IRAK3: variants seen among roughly 807,000 people sequenced by gnomAD.
The protein encoded by IRAK3 is interleukin-1 receptor-associated kinase 3.
In IRAK3, 57 loss-of-function variants were observed where a neutral mutation model predicts 56.6. The ratio of observed to expected loss-of-function variants is 1.01; its 90% CI spans 0.81 to 1.26. IRAK3 has a LOEUF of 1.26. IRAK3 is among the 50% of genes most tolerant of loss of function. The pLI, the probability that IRAK3 is intolerant of heterozygous loss-of-function variation, is 0.00. For synonymous variants in IRAK3, 258 were observed against 255.7 expected, an observed-to-expected ratio of 1.01 and a Z score of -0.09; for missense variants, 703 against 719.0, an observed-to-expected ratio of 0.98 and a Z score of 0.25.
chr12:66,220,055 T>G (rs536813544), intron 6 of IRAK3, among the ~76,000 whole-genome samples: 1 of 152,302 alleles, frequency 6.6e-6, no homozygotes, highest in South Asian at 2.1e-4. Context: ...TAGTTTGATA[T>G]AGTTCCACTT....
At chr12:66,189,637 A>G (rs1194874697) in intron 1 of IRAK3, among the ~76,000 whole-genome samples, 2 of 152,130 alleles carry the variant, frequency 1.3e-5, no homozygotes, top group Non-Finnish European at 2.9e-5. Context: ...TCTCTTTCAA[A>G]GAATTTTGGG....
chr12:66,249,301 G>C lies in IRAK3; in HGVS notation c.*1130G>C, dbSNP rs1350864063. The C allele has an allele frequency of 1.3e-5, 2 of 151,796 alleles. No homozygotes were observed. Among genetic ancestry groups the C allele is most frequent in the African/African-American group, 4.8e-5 (2 of 41,354 alleles). The allele number at this position is 151,796 out of a possible 1,614,324, so 9.4% of individuals were successfully genotyped here. A position where few individuals can be genotyped will look rare whatever the true frequency, so the allele number is the denominator to read the frequency against. ...GCCTCAGCCTCCCGAGTAAAGGTGG[G>C]ACTACAGGCGCCCGCCACTACGCCC... On this transcript the variant is annotated 3_prime_UTR_variant, in exon 12 of 12. Transcript: ENST00000261233.
Position 66,210,186 on chromosome 12 carries a change from G to C in IRAK3, c.421G>C (p.Glu141Gln). 6.2e-7 allele frequency: 1 copy of C among 1,602,252 alleles called. No individual in the cohort carries two copies. The highest frequency in any genetic ancestry group is 2.2e-5 in the East Asian group (1 of 44,726). ...NVTVDNVLIP[E>Q]HNEKGILLKS... The stretch of plus-strand genomic sequence containing the variant: ...CACCGTGGATAATGTTCTTATTCCT[G>C]AACATAATGAAAAAGGTATGAAAAA... The change falls in exon 4 of 12, where the codon GAA (glutamate) becomes CAA (glutamine). Residue 141 changes from glutamate (E) to glutamine (Q), a missense_variant. By Grantham distance (29) the Glu-to-Gln change is conservative. Coordinates refer to ENST00000261233, the MANE Select transcript of IRAK3 (RefSeq NM_007199.3).
At chr12:66,198,801 G>A (rs911271855) in intron 1 of IRAK3, among the ~76,000 whole-genome samples, 12 of 149,766 alleles carry the variant, frequency 8.0e-5, no homozygotes, top group African/African-American at 3.0e-4. Flanking sequence ...TGTCACCCAG[G>A]CTGGACTGCA....
rs763999725 is a variant in IRAK3, at chr12:66,244,976, G to C, written c.1115G>C (p.Arg372Thr). The change falls in exon 10 of 12, where the codon AGA becomes ACA. Residue 372 changes from arginine (R) to threonine (T), a missense_variant. Arg to Thr is a moderately conservative substitution (Grantham distance 71). Coordinates refer to ENST00000261233, the MANE Select transcript of IRAK3 (RefSeq NM_007199.3). ...ATAATGGAAGTTCTAACAGGATGTA[G>C]AGTAGTGTTAGATGATCCAAAACAT... ...IVIMEVLTGC[R>T]VVLDDPKHIQ... The C allele has an allele frequency of 1.2e-6, 2 of 1,613,140 alleles. No homozygotes were observed. The highest frequency in any genetic ancestry group is 1.7e-4 in the Middle Eastern group (1 of 6,054).
At chr12:66,222,022 C>T (rs2052739142) in intron 6 of IRAK3, among the ~76,000 whole-genome samples, 2 of 152,106 alleles carry the variant, frequency 1.3e-5, no homozygotes, top group South Asian at 2.1e-4. Flanking sequence ...GAGCAAGACT[C>T]GATCTCCAAA....
intron 8 of IRAK3, chr12:66,234,164 G>A (rs920104289): frequency 6.2e-7 from 1 of 1,614,038 alleles, no homozygotes; most frequent in Non-Finnish European, 8.5e-7. Context: ...AACAGGAGCC[G>A]CTGTCGTCTG....
Position 66,189,255 on chromosome 12 carries a change from G to T in IRAK3, c.-45G>T. Reference sequence around the variant, plus strand: ...TGTAACGGCCTGTCGCAGGCGTGCAGGGACCTGGACTCCGCCTCGTCCCCG... The same window carrying T: ...TGTAACGGCCTGTCGCAGGCGTGCATGGACCTGGACTCCGCCTCGTCCCCG... On this transcript the variant is annotated 5_prime_UTR_variant, in exon 1 of 12. It adds an upstream start codon to the 5' untranslated region. Transcript: ENST00000261233. 1 of 1,533,090 alleles carries T rather than the reference G, an allele frequency of 6.5e-7. No homozygotes were observed. Among genetic ancestry groups the T allele is most frequent in the South Asian group, 1.2e-5 (1 of 84,072 alleles). 95.0% of individuals were successfully genotyped at this position (1,533,090 alleles called of 1,614,324 possible).
chr12:66,246,607 G>A (rs2053035697), intron 11 of IRAK3, among the ~76,000 whole-genome samples: 1 of 152,228 alleles, frequency 6.6e-6, no homozygotes, highest in Admixed American at 6.5e-5. Flanking sequence ...CGGAGATCCG[G>A]TGTCAAACAG....
At chr12:66,197,105 T>A in intron 1 of IRAK3, 1 of 1,313,418 alleles carries the variant, frequency 7.6e-7, no homozygotes. Context: ...ATTTCTGAAC[T>A]TCTTAGGTTG....
intron 4 of IRAK3, 51 bp from the exon 5 acceptor site, chr12:66,211,395 G>C (rs970720264): frequency 1.1e-5 from 15 of 1,384,124 alleles, no homozygotes; most frequent in Middle Eastern, 2.2e-4. Context: ...TGGTTATAAT[G>C]GTGATGTTCC....
chr12:66,218,730 T>C (rs1408414371), intron 6 of IRAK3, among the ~76,000 whole-genome samples: 1 of 152,206 alleles, frequency 6.6e-6, no homozygotes, highest in African/African-American at 2.4e-5. Flanking sequence ...CACAATCAAA[T>C]TAATACATCT....
rs1313743422 is a variant in IRAK3, at chr12:66,248,288, T to C, written c.*117T>C. 1.4e-6 allele frequency: 1 copy of C among 730,802 alleles called. No individual in the cohort carries two copies. The highest frequency in any genetic ancestry group is 2.4e-6 in the Non-Finnish European group (1 of 417,060). 45.3% of individuals were successfully genotyped at this position (730,802 alleles called of 1,614,324 possible). ...CCAAGAGAATGATCAATAGTGAGTTTGGGTGATGCAGATAAACAATCTGGA... is the reference window on the plus strand; with the variant it reads ...CCAAGAGAATGATCAATAGTGAGTTCGGGTGATGCAGATAAACAATCTGGA... On this transcript the variant is annotated 3_prime_UTR_variant, in exon 12 of 12. Coordinates refer to ENST00000261233, the MANE Select transcript of IRAK3 (RefSeq NM_007199.3).
rs545438330 is a variant in IRAK3 at position 66,204,638 on chromosome 12, A to G, written c.316+745A>G. Reference sequence around the variant, plus strand: ...CAATAATGATCTTGGGTCTTATGTTATAGACCCAAGGCTCTTAGATTGGAA... The same window carrying G: ...CAATAATGATCTTGGGTCTTATGTTGTAGACCCAAGGCTCTTAGATTGGAA... On this transcript the variant is annotated intron_variant, in intron 2 of 11. Coordinates refer to ENST00000261233, the MANE Select transcript of IRAK3 (RefSeq NM_007199.3). 3.3e-5 allele frequency among the ~76,000 whole-genome samples: 5 copies of G among 152,334 alleles called. No individual in the cohort carries two copies. In the East Asian group the frequency reaches 9.6e-4, roughly 29 times the overall value.
intron 8 of IRAK3, chr12:66,235,039 A>G (rs989495336): frequency 1.2e-6 from 2 of 1,613,238 alleles, no homozygotes; most frequent in Non-Finnish European, 1.7e-6. Context: ...CTATTTTCCC[A>G]TATGGTTGAC....
In IRAK3 at chr12:66,211,603, G is replaced by T. The variant is rs1359903327; in HGVS notation, c.588+6G>T. On this transcript the variant is annotated splice_donor_region_variant and intron_variant, in intron 5 of 11. Coordinates refer to ENST00000261233, the MANE Select transcript of IRAK3 (RefSeq NM_007199.3). Reference sequence around the variant, plus strand: ...CTGTCAAATTATTTAAACAGGTATGGAAAGAATTACTGTCACAGGACATCA... The same window carrying T: ...CTGTCAAATTATTTAAACAGGTATGTAAAGAATTACTGTCACAGGACATCA... The T allele has an allele frequency of 1.9e-6, 3 of 1,604,604 alleles. No individual in the cohort carries two copies. The highest frequency in any genetic ancestry group is 2.2e-5 in the East Asian group (1 of 44,766).
intron 6 of IRAK3, among the ~76,000 whole-genome samples, chr12:66,218,398 CTTAT>C (rs1445246308): frequency 1.3e-5 from 2 of 152,030 alleles, no homozygotes; most frequent in Admixed American, 6.6e-5. Flanking sequence ...TTATTTCATA[CTTAT>C]TTGAGTATAT....
chr12:66,208,133 A>T (rs2136922432), intron 2 of IRAK3, among the ~76,000 whole-genome samples: 1 of 152,354 alleles, frequency 6.6e-6, no homozygotes, highest in African/African-American at 2.4e-5. Context: ...ACTAGAAGAT[A>T]ATCTAGAAAG....
chr12:66,233,008 A>T (rs1019198722), intron 8 of IRAK3, among the ~76,000 whole-genome samples: 13 of 151,080 alleles, frequency 8.6e-5, no homozygotes, highest in Non-Finnish European at 1.8e-4. Context: ...TATTATTATT[A>T]TTATTATTTT....
Sources: gnomAD v4.1 joint callset for allele counts (sites outside exome capture counted in the v4.1 genomes callset) on GRCh38, gnomAD v4.1.1 for gene constraint, MANE v1.5 for transcripts, NCBI Gene and HGNC (gene_info 2026-07-23, HGNC 2026-07-21) for gene names.